DAB1: variants seen among roughly 807,000 people sequenced by gnomAD.
DAB1 encodes the protein DAB adaptor protein 1, also known as disabled homolog 1.
DAB1 carries 15 observed loss-of-function variants against 64.6 expected under a neutral mutation model. The observed-to-expected ratio is 0.23, with a 90% CI of 0.16 to 0.36. The LOEUF is 0.36. Among genes scored for constraint, DAB1 ranks in the 10% least tolerant of loss-of-function variants. DAB1 has a pLI of 1.00. For synonymous variants in DAB1, 235 were observed against 251.9 expected, an observed-to-expected ratio of 0.93 and a Z score of 0.64; for missense variants, 596 against 706.7, an observed-to-expected ratio of 0.84 and a Z score of 1.78.
intron 5 of DAB1, among the ~76,000 whole-genome samples, chr1:58,090,391 A>C (rs553926350): frequency 6.6e-6 from 1 of 152,318 alleles, no homozygotes; most frequent in South Asian, 2.1e-4. Context: ...TGTTAGAGTC[A>C]GACTCTTGGT....
At chr1:57,756,601 G>T (rs956132775) in intron 6 of DAB1, among the ~76,000 whole-genome samples, 3 of 152,034 alleles carry the variant, frequency 2.0e-5, no homozygotes, top group Non-Finnish European at 4.4e-5. Flanking sequence ...AGGTCACCTT[G>T]AGGAGAATAA....
intron 6 of DAB1, among the ~76,000 whole-genome samples, chr1:57,816,311 T>C (rs896271035): frequency 2.0e-5 from 3 of 152,222 alleles, no homozygotes; most frequent in Non-Finnish European, 4.4e-5. Flanking sequence ...TGACTCCCAG[T>C]GAGGTGCTCT....
At chr1:58,534,251 T>C in intron 1 of DAB1, 1 of 871,814 alleles carries the variant, frequency 1.1e-6, no homozygotes, top group Non-Finnish European at 2.0e-6. Context: ...TGCATTCAAT[T>C]AGATGACAAA....
chr1:57,160,072 G>A (rs1359761517), intron 2 of DAB1, among the ~76,000 whole-genome samples: 3 of 152,128 alleles, frequency 2.0e-5, no homozygotes, highest in Non-Finnish European at 2.9e-5. Context: ...TAAGGATGGC[G>A]TGACAGCATT....
intron 10 of DAB1, among the ~76,000 whole-genome samples, chr1:57,025,558 TGCTGTACTGG>T (rs1646758154): frequency 6.6e-6 from 1 of 152,182 alleles, no homozygotes; most frequent in East Asian, 1.9e-4. Context: ...TGACCACCTA[TGCTGTACTGG>T]GCTTGGGGCA....
intron 6 of DAB1, among the ~76,000 whole-genome samples, chr1:57,655,165 T>C (rs184705217): frequency 3.3e-5 from 5 of 152,220 alleles, no homozygotes; most frequent in Middle Eastern, 6.8e-3. Context: ...TCATAACCAA[T>C]AAGGCATATC....
At chr1:57,289,362 C>T (rs1672583611) in intron 2 of DAB1, among the ~76,000 whole-genome samples, 1 of 152,170 alleles carries the variant, frequency 6.6e-6, no homozygotes, top group Admixed American at 6.5e-5. Context: ...ACTGAAAAAG[C>T]ATTTGAATTC....
At chr1:57,960,698 T>C (rs1557580148) in intron 5 of DAB1, among the ~76,000 whole-genome samples, 1 of 152,252 alleles carries the variant, frequency 6.6e-6, no homozygotes, top group Non-Finnish European at 1.5e-5. Flanking sequence ...GAAGAAGTCC[T>C]TTCTGCTCTT....
intron 3 of DAB1, among the ~76,000 whole-genome samples, chr1:58,394,225 G>A (rs944885800): frequency 3.9e-5 from 6 of 152,178 alleles, no homozygotes; most frequent in African/African-American, 1.2e-4. Flanking sequence ...CCAAGTGTTG[G>A]CAGAGATGTG....
chr1:57,378,163 CAAAAG>C, intron 1 of DAB1, among the ~76,000 whole-genome samples: 1 of 152,184 alleles, frequency 6.6e-6, no homozygotes, highest in Non-Finnish European at 1.5e-5. Context: ...GAGGGACAAA[CAAAAG>C]ACGTCCAGCT....
At chr1:57,614,531 C>T (rs1645766210) in intron 7 of DAB1, among the ~76,000 whole-genome samples, 1 of 152,256 alleles carries the variant, frequency 6.6e-6, no homozygotes, top group Non-Finnish European at 1.5e-5. Context: ...CTCCCTCCCA[C>T]AAAAGCTAAA....
chr1:58,495,233 C>T (rs983833677), intron 3 of DAB1, among the ~76,000 whole-genome samples: 2 of 152,008 alleles, frequency 1.3e-5, no homozygotes, highest in African/African-American at 4.8e-5. Context: ...AACACATGGA[C>T]ACAGGAAGGG....
chr1:57,013,486 T>G (rs1646327324), intron 12 of DAB1, among the ~76,000 whole-genome samples: 1 of 152,238 alleles, frequency 6.6e-6, no homozygotes, highest in Non-Finnish European at 1.5e-5. Context: ...TCTGCATAAA[T>G]AGAGATGCTG....
At chr1:58,519,448 G>C (rs1557450837) in intron 2 of DAB1, among the ~76,000 whole-genome samples, 1 of 152,124 alleles carries the variant, frequency 6.6e-6, no homozygotes, top group Non-Finnish European at 1.5e-5. Context: ...GAAAGAGCTA[G>C]ATCGCTGTCC....
intron 3 of DAB1, among the ~76,000 whole-genome samples, chr1:58,489,817 T>C (rs1354024537): frequency 6.6e-6 from 1 of 152,170 alleles, no homozygotes; most frequent in Non-Finnish European, 1.5e-5. Flanking sequence ...CCGCTGCTGA[T>C]ATCCAGGCAA....
At chr1:58,359,933 T>C (rs1339601320) in intron 3 of DAB1, among the ~76,000 whole-genome samples, 2 of 152,184 alleles carry the variant, frequency 1.3e-5, no homozygotes, top group Non-Finnish European at 2.9e-5. Context: ...TGATTCATCC[T>C]TCCTCGAGCT....
rs923708820 is a variant in DAB1 at position 58,480,836 on chromosome 1, C to A, written n.257+25224G>T. ...AATTCTAGAAGAATTTAGATAATAT[C>A]TGTAATGTACATGATTTGACCCTGA... On this transcript the variant is annotated intron_variant and non_coding_transcript_variant, in intron 3 of 20. Coordinates refer to the DAB1 transcript ENST00000485760. 32 of 585,228 alleles carry A rather than the reference C, an allele frequency of 5.5e-5. No homozygotes were observed. In the African/African-American group the frequency reaches 6.0e-4, roughly 11 times the overall value. The allele number at this position is 585,228 out of a possible 1,614,324, so 36.3% of individuals were successfully genotyped here. A position where few individuals can be genotyped will look rare whatever the true frequency, so the allele number is the denominator to read the frequency against.
intron 5 of DAB1, among the ~76,000 whole-genome samples, chr1:57,899,686 G>A (rs375186384): frequency 1.6e-4 from 24 of 150,790 alleles, no homozygotes; most frequent in South Asian, 6.2e-4. Context: ...TTCCCAAGGA[G>A]TGAATGGTAG....
intron 2 of DAB1, among the ~76,000 whole-genome samples, chr1:57,276,224 C>T (rs1032702961): frequency 2.0e-5 from 3 of 152,198 alleles, no homozygotes; most frequent in East Asian, 1.9e-4. Flanking sequence ...TGTTCTCACT[C>T]ATCGCCAGGA....
Sources: gnomAD v4.1 joint callset for allele counts (sites outside exome capture counted in the v4.1 genomes callset) on GRCh38, gnomAD v4.1.1 for gene constraint, MANE v1.5 for transcripts, NCBI Gene and HGNC (gene_info 2026-07-23, HGNC 2026-07-21) for gene names.